The following DZIP1 variants were observed in gnomAD, a reference collection of about 807,000 sequenced individuals.
DZIP1 encodes DAZ interacting zinc finger protein 1.
Under a neutral mutation model 107.6 loss-of-function variants are expected in DZIP1, and 97 were observed. That is an observed-to-expected ratio of 0.90 (90% confidence interval 0.77 to 1.07). The LOEUF (loss-of-function observed/expected upper bound fraction) is 1.07. Among genes scored for constraint, DZIP1 ranks in the 50% least tolerant of loss-of-function variants. DZIP1 has a pLI of 0.00. For synonymous variants in DZIP1, 390 were observed against 386.4 expected (o/e 1.01, Z -0.11); for missense variants, 1,035 against 1,063.6 (o/e 0.97, Z 0.37).
At chr13:95,601,175 G>A (rs930041883) in intron 14 of DZIP1, among the ~76,000 whole-genome samples, 1 of 152,280 alleles carries the variant, frequency 6.6e-6, no homozygotes, top group South Asian at 2.1e-4. Context: ...TACAGAGGAA[G>A]AGTTCTGGTA....
At chr13:95,593,778 A>G (rs1402628741) in intron 16 of DZIP1, among the ~76,000 whole-genome samples, 166 bp downstream of exon 16, 1 of 152,254 alleles carries the variant, frequency 6.6e-6, no homozygotes, top group African/African-American at 2.4e-5. Context: ...TGCCAGGCAC[A>G]CAGTGAATGC....
intron 14 of DZIP1, 74 bp downstream of exon 14, chr13:95,605,929 A>T (rs2044758098): frequency 6.3e-6 from 9 of 1,423,988 alleles, no homozygotes; most frequent in Non-Finnish European, 8.8e-6. Context: ...CCACATAATC[A>T]CTTTTGGTTA....
At chr13:95,605,330 C>A (rs1370982816) in intron 14 of DZIP1, among the ~76,000 whole-genome samples, 1 of 152,132 alleles carries the variant, frequency 6.6e-6, no homozygotes, top group Non-Finnish European at 1.5e-5. Flanking sequence ...TTTGTAATAT[C>A]CAACAGAGCA....
In DZIP1 at chr13:95,614,125, C is replaced by CAA. The variant is rs11327779; in HGVS notation, c.1174-1950_1174-1949dup. On this transcript the variant is annotated intron_variant, in intron 10 of 22. Coordinates refer to ENST00000376829, the MANE Select transcript of DZIP1 (RefSeq NM_198968.4). ...CCGGTGACAGAGTAAGACCCTGTCT[C>CAA]AAAAAAAAAAAAAAAAAAAAAAGCA... is the stretch of plus-strand genomic sequence containing the variant. Among the ~76,000 whole-genome samples, 24 of 73,394 alleles carry CAA rather than the reference C, an allele frequency of 3.3e-4. No homozygotes were observed. The East Asian group carries it at 3.6e-3, about 11-fold the overall frequency. The allele number at this position is 73,394 out of a possible 152,430, so 48.1% of individuals were successfully genotyped here.
chr13:95,638,859 A>G (rs903394385), intron 5 of DZIP1, among the ~76,000 whole-genome samples: 3 of 152,200 alleles, frequency 2.0e-5, no homozygotes, highest in African/African-American at 7.2e-5. Flanking sequence ...CAATTTCTCA[A>G]AGGTAAAACT....
intron 5 of DZIP1, among the ~76,000 whole-genome samples, chr13:95,634,134 C>T (rs569186773): frequency 7.2e-5 from 11 of 152,308 alleles, no homozygotes; most frequent in South Asian, 2.1e-4. Flanking sequence ...TTCTTTCTGT[C>T]CTGCAGCCAT....
In DZIP1 at chr13:95,589,835, T is replaced by C. The variant is rs571707706; in HGVS notation, c.1941A>G (p.Lys647=). The C allele has an allele frequency of 6.2e-7, 1 of 1,614,130 alleles. No individual in the cohort carries two copies. Among genetic ancestry groups the C allele is most frequent in the South Asian group, 1.1e-5 (1 of 91,056 alleles). ...CAGATGTCCTATCAGTAGAAACAGC[T>C]TTTTGTCTAATCAGTTGTCTGTTTT... ...PSKNRQLIRQ[K]AVSTDRTSVP... Residue 647 remains lysine, a synonymous_variant, in exon 18 of 23, where the codon AAA becomes AAG. Transcript: ENST00000376829.
Position 95,578,308 on chromosome 13 carries a change from C to T in DZIP1, c.*3926G>A, listed in dbSNP as rs183290700. 1.7e-3 allele frequency: 340 copies of T among 205,344 alleles called. 2 individuals are homozygous for T. The highest frequency in any genetic ancestry group is 4.0e-3 in the Middle Eastern group (2 of 504). The allele number at this position is 205,344 out of a possible 1,614,324, so 12.7% of individuals were successfully genotyped here. A position where few individuals can be genotyped will look rare whatever the true frequency, so the allele number is the denominator to read the frequency against. On this transcript the variant is annotated 3_prime_UTR_variant, in exon 23 of 23. Transcript: ENST00000376829. Reference sequence around the variant, plus strand: ...TAGTACCAAAGGTTCAAGAAGTATTCGTACTCTAGCCTTTTTAATCATTCA... The same window carrying T: ...TAGTACCAAAGGTTCAAGAAGTATTTGTACTCTAGCCTTTTTAATCATTCA...
chr13:95,626,672 A>C (rs1175166405), intron 7 of DZIP1, among the ~76,000 whole-genome samples: 1 of 152,238 alleles, frequency 6.6e-6, no homozygotes, highest in Non-Finnish European at 1.5e-5. Context: ...AATTCAGCAA[A>C]GTTGCACAGT....
chr13:95,632,569 C>G (rs1210642559), intron 6 of DZIP1, among the ~76,000 whole-genome samples: 8 of 152,160 alleles, frequency 5.3e-5, no homozygotes, highest in Non-Finnish European at 1.0e-4. Flanking sequence ...ACAGTAGTCT[C>G]TATCCACAGC....
At chr13:95,584,643 T>C (rs1409339673) in intron 22 of DZIP1, 93 bp downstream of exon 22, 1 of 1,503,076 alleles carries the variant, frequency 6.7e-7, no homozygotes, top group Non-Finnish European at 8.9e-7. Context: ...TGTCTGATGA[T>C]ATACCAGCAT....
At position 95,578,588 on chromosome 13, in the gene DZIP1, A is replaced by G. The variant is rs527815368; in HGVS notation, c.*3646T>C. The G allele has an allele frequency of 1.6e-4, 25 of 152,404 alleles. No homozygotes were observed. The highest frequency in any genetic ancestry group is 5.8e-4 in the African/African-American group (24 of 41,582). The allele number at this position is 152,404 out of a possible 1,614,324, so 9.4% of individuals were successfully genotyped here. A position where few individuals can be genotyped will look rare whatever the true frequency, so the allele number is the denominator to read the frequency against. On this transcript the variant is annotated 3_prime_UTR_variant, in exon 23 of 23. Coordinates refer to ENST00000376829, the MANE Select transcript of DZIP1 (RefSeq NM_198968.4). Reference sequence around the variant, plus strand: ...TTATCTGGTAGAACTTAACTTCTACAGGATCAGAGAGGATCTTGCTCATTC... The same window carrying G: ...TTATCTGGTAGAACTTAACTTCTACGGGATCAGAGAGGATCTTGCTCATTC...
chr13:95,589,076 G>A, intron 19 of DZIP1, 78 bp downstream of exon 19: 2 of 1,149,774 alleles, frequency 1.7e-6, no homozygotes, highest in East Asian at 2.4e-5. Flanking sequence ...ACCATAATGA[G>A]CACGCTACTT....
chr13:95,633,304 C>T lies in DZIP1; in HGVS notation c.615G>A (p.Lys205=), dbSNP rs1446285661. The T allele has an allele frequency of 1.2e-6, 2 of 1,614,086 alleles. No homozygotes were observed. Among genetic ancestry groups the T allele is most frequent in the Admixed American group, 3.3e-5 (2 of 60,016 alleles). Residue 205 remains lysine, a synonymous_variant, in exon 6 of 23, where the codon AAG becomes AAA. Coordinates refer to ENST00000376829, the MANE Select transcript of DZIP1 (RefSeq NM_198968.4). ...GTAGAAAAGCTTGGTTCATAAAGGC[C>T]TTGTCACAAAAATGGCACTGAAAAG... ...ANYYQCHFCD[K]AFMNQAFLQS...
chr13:95,638,627 C>T (rs1320149881), intron 5 of DZIP1, among the ~76,000 whole-genome samples: 2 of 123,708 alleles, frequency 1.6e-5, no homozygotes, highest in African/African-American at 2.7e-5. Flanking sequence ...CACTACCCCC[C>T]TTATACACAA....
intron 13 of DZIP1, among the ~76,000 whole-genome samples, chr13:95,608,142 T>C (rs964971760): frequency 3.9e-5 from 6 of 152,216 alleles, no homozygotes; most frequent in African/African-American, 1.4e-4. Flanking sequence ...GACCGCTACC[T>C]ATGGGGCTAT....
chr13:95,636,246 A>G (rs186836867), intron 5 of DZIP1, among the ~76,000 whole-genome samples: 1 of 152,188 alleles, frequency 6.6e-6, no homozygotes, highest in East Asian at 1.9e-4. Flanking sequence ...ATAAATAAGA[A>G]AAAGCAAGGA....
At chr13:95,618,744 C>A (rs1316622210) in intron 10 of DZIP1, among the ~76,000 whole-genome samples, 2 of 152,136 alleles carry the variant, frequency 1.3e-5, no homozygotes, top group Non-Finnish European at 2.9e-5. Flanking sequence ...ATTATATGAT[C>A]TTTTGTCGTT....
At chr13:95,610,922 C>T (rs1259411992) in intron 12 of DZIP1, among the ~76,000 whole-genome samples, 1 of 152,222 alleles carries the variant, frequency 6.6e-6, no homozygotes, top group African/African-American at 2.4e-5. Flanking sequence ...CAGATGTCAG[C>T]ACCATGCTCT....
Sources: gnomAD v4.1 joint callset for allele counts (sites outside exome capture counted in the v4.1 genomes callset) on GRCh38, gnomAD v4.1.1 for gene constraint, MANE v1.5 for transcripts, NCBI Gene and HGNC (gene_info 2026-07-23, HGNC 2026-07-21) for gene names.